The following SLC4A4 variants were observed in gnomAD, a reference collection of about 807,000 sequenced individuals.
SLC4A4 encodes the protein electrogenic sodium bicarbonate cotransporter 1.
In SLC4A4, 27 loss-of-function variants were observed where a neutral mutation model predicts 111.5. The ratio of observed to expected loss-of-function variants is 0.24; its 90% confidence interval spans 0.18 to 0.33. The LOEUF (loss-of-function observed/expected upper bound fraction) is 0.33. Ranked by LOEUF, SLC4A4 falls within the 10% of genes least tolerant of loss-of-function variation. The pLI, the probability that SLC4A4 is intolerant of heterozygous loss-of-function variation, is 1.00. For missense variants in SLC4A4, 909 were observed against 1,315.5 expected (o/e 0.69, Z 4.78); for synonymous variants, 443 against 463.4 (o/e 0.96, Z 0.57).
chr4:71,148,459 TC>T (rs1744236052), intron 2 of SLC4A4, among the ~76,000 whole-genome samples: 3 of 152,158 alleles, frequency 2.0e-5, no homozygotes, highest in Non-Finnish European at 2.9e-5. Context: ...TAAACTTGTG[TC>T]ATGGGAGTTT....
At chr4:71,244,339 T>C (rs1720474116) in intron 2 of SLC4A4, among the ~76,000 whole-genome samples, 1 of 152,146 alleles carries the variant, frequency 6.6e-6, no homozygotes, top group Non-Finnish European at 1.5e-5. Context: ...GTGGTTATGG[T>C]TCCTTCATGC....
intron 18 of SLC4A4, among the ~76,000 whole-genome samples, chr4:71,542,266 CCA>C (rs1199278078): frequency 6.6e-6 from 1 of 152,036 alleles, no homozygotes; most frequent in Non-Finnish European, 1.5e-5. Context: ...TAAACTCTCC[CCA>C]GTGTTGTTCC....
intron 4 of SLC4A4, among the ~76,000 whole-genome samples, chr4:71,349,464 G>A (rs1729619369): frequency 6.6e-6 from 1 of 152,098 alleles, no homozygotes; most frequent in Middle Eastern, 3.2e-3. Flanking sequence ...ATAAATATTG[G>A]TTCATCACTG....
intron 8 of SLC4A4, among the ~76,000 whole-genome samples, chr4:71,445,212 G>A (rs1334833210): frequency 2.0e-5 from 3 of 152,088 alleles, no homozygotes; most frequent in African/African-American, 7.2e-5. Context: ...GAAAATGTCT[G>A]TCCTCGTCTC....
Position 71,397,918 on chromosome 4 carries a change from G to A in SLC4A4, c.807+265G>A, listed in dbSNP as rs139235371. 1.6e-3 allele frequency among the ~76,000 whole-genome samples: 243 copies of A among 152,302 alleles called. 2 individuals carry two copies. Among genetic ancestry groups the A allele is most frequent in the African/African-American group, 3.3e-3 (139 of 41,568 alleles). On this transcript the variant is annotated intron_variant, in intron 7 of 25. Transcript: ENST00000264485. ...CAATAGTTGTCTCAGCTTTAAAATA[G>A]TAATAATCCCTGCCTTCTGTTTATT...
chr4:71,228,227 C>G (rs893315195), intron 1 of SLC4A4, among the ~76,000 whole-genome samples: 9 of 152,150 alleles, frequency 5.9e-5, no homozygotes, highest in Admixed American at 2.0e-4. Context: ...CTGCTCCAGC[C>G]TTTCAGAAGT....
chr4:71,424,188 A>G (rs937508240), intron 7 of SLC4A4, among the ~76,000 whole-genome samples: 3 of 152,150 alleles, frequency 2.0e-5, no homozygotes, highest in Non-Finnish European at 4.4e-5. Flanking sequence ...AAGGACATGA[A>G]CAGACACTTC....
intron 1 of SLC4A4, among the ~76,000 whole-genome samples, chr4:71,064,100 AT>A (rs1441007941): frequency 6.6e-6 from 1 of 152,150 alleles, no homozygotes; most frequent in African/African-American, 2.4e-5. Context: ...ATTAAAAAAA[AT>A]AGGTTCTACA....
chr4:71,092,189 C>A (rs187705411), intron 1 of SLC4A4, among the ~76,000 whole-genome samples: 6 of 152,262 alleles, frequency 3.9e-5, no homozygotes, highest in African/African-American at 1.2e-4. Flanking sequence ...CAGGAACTGG[C>A]AAACTGTTCA....
intron 6 of SLC4A4, among the ~76,000 whole-genome samples, chr4:71,377,438 T>G (rs1732513763): frequency 6.6e-6 from 1 of 152,186 alleles, no homozygotes; most frequent in Admixed American, 6.5e-5. Context: ...AGAACATTGA[T>G]GAGGGATAGT....
At position 71,339,492 on chromosome 4, in the gene SLC4A4, A is replaced by G; in HGVS notation, c.376A>G (p.Lys126Glu). 6.2e-7 allele frequency: 1 copy of G among 1,613,470 alleles called. No individual in the cohort carries two copies. The highest frequency in any genetic ancestry group is 8.5e-7 in the Non-Finnish European group (1 of 1,180,026). Residue 126 changes from lysine (K) to glutamate (E), a missense_variant, in exon 4 of 26, where the codon AAG becomes GAG. Coordinates refer to ENST00000264485, the MANE Select transcript of SLC4A4 (RefSeq NM_001098484.3). ...CGTGGATGGGCAGGAGATGGAGTGG[A>G]AGGAAACAGCCAGGTGAGGCATAGC... is the stretch of plus-strand genomic sequence containing the variant. ...LAVDGQEMEW[K>E]ETARWIKFEE...
chr4:71,138,764 CG>C (rs1311458928), intron 2 of SLC4A4, among the ~76,000 whole-genome samples: 1 of 151,966 alleles, frequency 6.6e-6, no homozygotes, highest in Non-Finnish European at 1.5e-5. Context: ...TGGCCGGGCG[CG>C]GTGGCTCACG....
At chr4:71,427,000 T>C (rs988194591) in intron 7 of SLC4A4, among the ~76,000 whole-genome samples, 7 of 152,128 alleles carry the variant, frequency 4.6e-5, no homozygotes, top group African/African-American at 1.7e-4. Flanking sequence ...AAATACATTG[T>C]AGTATGTTTT....
chr4:71,151,778 A>T (rs1440599203), intron 2 of SLC4A4, among the ~76,000 whole-genome samples: 1 of 150,558 alleles, frequency 6.6e-6, no homozygotes, highest in Non-Finnish European at 1.5e-5. Flanking sequence ...AAAAAAATTA[A>T]GGCCGGGCAC....
rs540795777 is a variant in SLC4A4 at position 71,455,115 on chromosome 4, G to C, written c.1497+1446G>C. ...TGCTTTTTCCCACATAAATGTGTAC[G>C]CAGTATTGCTTCATTTTCTGATCTT... On this transcript the variant is annotated intron_variant, in intron 12 of 25. Transcript: ENST00000264485. Among the ~76,000 whole-genome samples the C allele has an allele frequency of 4.6e-5, 7 of 152,296 alleles. No individual in the cohort carries two copies. The South Asian group carries it at 1.5e-3, about 32-fold the overall frequency.
intron 2 of SLC4A4, among the ~76,000 whole-genome samples, chr4:71,163,349 G>T (rs1744658010): frequency 1.3e-5 from 2 of 152,188 alleles, no homozygotes; most frequent in Admixed American, 6.5e-5. Flanking sequence ...TCTGTACAAA[G>T]TAATAGACTG....
intron 1 of SLC4A4, among the ~76,000 whole-genome samples, chr4:71,066,500 C>T (rs1005859689): frequency 6.6e-6 from 1 of 151,992 alleles, no homozygotes; most frequent in Non-Finnish European, 1.5e-5. Context: ...TACAAAAATC[C>T]CTGAGATGAT....
At chr4:71,153,981 C>T (rs550654884) in intron 2 of SLC4A4, among the ~76,000 whole-genome samples, 1 of 152,264 alleles carries the variant, frequency 6.6e-6, no homozygotes, top group East Asian at 1.9e-4. Context: ...GTGAACAAAA[C>T]AATGTCATAC....
chr4:71,088,290 A>T (rs1323191013), intron 1 of SLC4A4, among the ~76,000 whole-genome samples: 2 of 150,098 alleles, frequency 1.3e-5, no homozygotes, highest in Non-Finnish European at 3.0e-5. Flanking sequence ...TTTTGAGCCT[A>T]TGTGTGTCTC....
Sources: allele counts gnomAD v4.1 joint callset (sites outside exome capture counted in the v4.1 genomes callset), GRCh38; gene constraint gnomAD v4.1.1; transcripts MANE v1.5; gene names NCBI Gene and HGNC (gene_info 2026-07-23, HGNC 2026-07-21).